The following SETD2 variants were observed in gnomAD, a reference collection of about 807,000 sequenced individuals.
SETD2 encodes histone-lysine N-methyltransferase SETD2.
A neutral mutation model predicts 242.1 loss-of-function variants in SETD2; 31 were observed. The ratio of observed to expected loss-of-function variants is 0.13; its 90% CI spans 0.10 to 0.17. The LOEUF (loss-of-function observed/expected upper bound fraction) is 0.17. Ranked by LOEUF, SETD2 falls within the 10% of genes least tolerant of loss-of-function variation. The pLI is 1.00. For synonymous variants in SETD2, 1,006 were observed against 1,066.5 expected (o/e 0.94, Z 1.11); for missense variants, 2,481 against 3,046.3 (o/e 0.81, Z 4.37).
rs531246872 is a variant in SETD2, at chr3:47,132,131, C to CTT, written c.72-5470_72-5469dup. Among the ~76,000 whole-genome samples, 636 of 129,560 alleles carry CTT rather than the reference C, an allele frequency of 4.9e-3. 16 individuals are homozygous for CTT. The highest frequency in any genetic ancestry group is 0.018 in the African/African-American group (602 of 34,064). 85.0% of individuals were successfully genotyped at this position (129,560 alleles called of 152,430 possible). ...TGTGCATATATGAACATACACATAT[C>CTT]TTTTTTTTTTTTTTTTTTTGAGACA... On this transcript the variant is annotated intron_variant, in intron 1 of 20. Transcript: ENST00000409792.
intron 14 of SETD2, 36 bp downstream of exon 14, chr3:47,062,127 A>G (rs748891211): frequency 1.3e-6 from 2 of 1,592,534 alleles, no homozygotes; most frequent in Non-Finnish European, 1.7e-6. Flanking sequence ...GCTCAAAACA[A>G]AAACAAAAAC....
At chr3:47,163,736 G>A (rs924544766) in intron 1 of SETD2, 118 bp downstream of exon 1, 184 of 1,034,526 alleles carry the variant, frequency 1.8e-4, no homozygotes, top group Non-Finnish European at 2.2e-4. Context: ...ACCGCGCGAG[G>A]CCACCGTGGG....
chr3:47,097,725 A>C (rs565227072), intron 9 of SETD2, among the ~76,000 whole-genome samples: 2 of 152,340 alleles, frequency 1.3e-5, no homozygotes, highest in South Asian at 2.1e-4. Context: ...AGAATCTGAA[A>C]AACTATTAGT....
At chr3:47,039,477 T>C (rs2039174167) in intron 17 of SETD2, among the ~76,000 whole-genome samples, 1 of 152,042 alleles carries the variant, frequency 6.6e-6, no homozygotes, top group African/African-American at 2.4e-5. Flanking sequence ...CCTCCCAAAG[T>C]GCTGGGACTA....
intron 5 of SETD2, among the ~76,000 whole-genome samples, chr3:47,108,939 T>C (rs1033839989): frequency 7.2e-5 from 11 of 152,340 alleles, no homozygotes; most frequent in African/African-American, 2.6e-4. Context: ...TTGCCTGGCA[T>C]GCAGTGACTA....
chr3:47,086,353 G>T lies in SETD2; in HGVS notation c.5278-39C>A, dbSNP rs1397462265. Reference sequence around the variant, plus strand: ...AGGGAGACACGATGCAGAGCATTGGGAGGCAATATCAGAATATTACAAAGA... The same window carrying T: ...AGGGAGACACGATGCAGAGCATTGGTAGGCAATATCAGAATATTACAAAGA... On this transcript the variant is annotated intron_variant, in intron 10 of 20. Coordinates refer to ENST00000409792, the MANE Select transcript of SETD2 (RefSeq NM_014159.7). 6 of 1,602,232 alleles carry T rather than the reference G, an allele frequency of 3.7e-6. No homozygotes were observed. In the Admixed American group the frequency reaches 5.0e-5, roughly 13 times the overall value.
At chr3:47,151,487 A>G (rs77030833) in intron 1 of SETD2, among the ~76,000 whole-genome samples, 38 of 152,324 alleles carry the variant, frequency 2.5e-4, no homozygotes, top group Non-Finnish European at 5.3e-4. Context: ...CCTATCACAG[A>G]TTCTAACTCC....
intron 18 of SETD2, among the ~76,000 whole-genome samples, chr3:47,020,471 G>A (rs1009091674): frequency 2.0e-5 from 3 of 152,146 alleles, no homozygotes; most frequent in South Asian, 4.1e-4. Context: ...TCCCCAGCTG[G>A]CAAGATAATG....
chr3:47,113,821 AGAGT>A, intron 5 of SETD2, 51 bp downstream of exon 5: 1 of 1,560,884 alleles, frequency 6.4e-7, no homozygotes, highest in Non-Finnish European at 8.7e-7. Context: ...TCTGGGTGAA[AGAGT>A]GAGACCTTGT....
chr3:47,142,381 C>A (rs1183373932), intron 1 of SETD2, among the ~76,000 whole-genome samples: 1 of 152,066 alleles, frequency 6.6e-6, no homozygotes. Context: ...TGATGGTGTG[C>A]GCCTGTAGTC....
chr3:47,106,144 A>T (rs372503431), intron 5 of SETD2, 24 bp from the exon 6 acceptor site: 3 of 1,605,204 alleles, frequency 1.9e-6, no homozygotes, highest in Admixed American at 1.7e-5. Flanking sequence ...GGAAAAAAAT[A>T]GCACTTCCTA....
intron 1 of SETD2, among the ~76,000 whole-genome samples, chr3:47,129,595 G>A (rs920183281): frequency 2.0e-5 from 3 of 152,196 alleles, no homozygotes; most frequent in Non-Finnish European, 4.4e-5. Flanking sequence ...CTCAAGAGAA[G>A]GAGATACAGG....
intron 17 of SETD2, 76 bp from the exon 18 acceptor site, chr3:47,037,853 C>T (rs917483495): frequency 3.0e-6 from 3 of 1,007,440 alleles, no homozygotes; most frequent in Non-Finnish European, 4.7e-6. Context: ...ACTGCTCATA[C>T]ATACATAAAA....
Position 47,164,023 on chromosome 3 carries a change from C to A in SETD2, c.-99G>T. On this transcript the variant is annotated 5_prime_UTR_variant, in exon 1 of 21. Transcript: ENST00000409792. The surrounding 1 kb of genome is among the most constrained non-coding windows in gnomAD (Gnocchi z 5.4). ...GCCGCAGGTCCGACCGCGGCGGCGG[C>A]GGCGGCGGCGGCGGCGGCGGCAGGG... 1 of 1,033,582 alleles carries A rather than the reference C, an allele frequency of 9.7e-7. No individual in the cohort carries two copies. The allele number at this position is 1,033,582 out of a possible 1,614,324, so 64.0% of individuals were successfully genotyped here.
chr3:47,144,526 T>C (rs1211529486), intron 1 of SETD2, among the ~76,000 whole-genome samples: 3 of 152,008 alleles, frequency 2.0e-5, no homozygotes, highest in Non-Finnish European at 2.9e-5. Context: ...AGTCCCAGTC[T>C]CAGCCACTTG....
intron 18 of SETD2, among the ~76,000 whole-genome samples, chr3:47,035,622 A>C (rs903938765): frequency 6.6e-6 from 1 of 152,162 alleles, no homozygotes; most frequent in Non-Finnish European, 1.5e-5. Context: ...GGCCTAATTT[A>C]ATATGCATAT....
At chr3:47,063,075 T>G (rs754389308) in intron 13 of SETD2, among the ~76,000 whole-genome samples, 1 of 152,168 alleles carries the variant, frequency 6.6e-6, no homozygotes, top group African/African-American at 2.4e-5. Context: ...AGTCCCACAA[T>G]CCACCTCACG....
intron 18 of SETD2, among the ~76,000 whole-genome samples, chr3:47,027,382 A>G (rs1419195407): frequency 2.0e-5 from 3 of 149,236 alleles, no homozygotes; most frequent in Admixed American, 6.7e-5. Flanking sequence ...GGACACAGGA[A>G]GGGGAACATC....
chr3:47,030,959 A>G (rs2107516796), intron 18 of SETD2, among the ~76,000 whole-genome samples: 1 of 152,348 alleles, frequency 6.6e-6, no homozygotes, highest in South Asian at 2.1e-4. Context: ...TGGAAGCCTC[A>G]ATGCATATTG....
Sources: allele counts gnomAD v4.1 joint callset (sites outside exome capture counted in the v4.1 genomes callset), GRCh38; gene constraint gnomAD v4.1.1; non-coding constraint Gnocchi (gnomAD v3.1); transcripts MANE v1.5; gene names NCBI Gene and HGNC (gene_info 2026-07-23, HGNC 2026-07-21).